The following AOPEP variants were observed in gnomAD, a reference collection of about 807,000 sequenced individuals.
AOPEP encodes aminopeptidase O (putative).
A neutral mutation model predicts 98.1 loss-of-function variants in AOPEP; 77 were observed. That is an observed-to-expected ratio of 0.78 (90% CI 0.65 to 0.95). AOPEP has a LOEUF of 0.95. Among genes scored for constraint, AOPEP ranks in the 40% least tolerant of loss-of-function variants. The pLI is 0.00. For missense variants in AOPEP, 1,024 were observed against 1,024.7 expected (o/e 1.00, Z 0.01); for synonymous variants, 346 against 365.3 (o/e 0.95, Z 0.60).
At chr9:95,063,073 A>G (rs571087312) in intron 14 of AOPEP, among the ~76,000 whole-genome samples, 2 of 152,314 alleles carry the variant, frequency 1.3e-5, no homozygotes, top group African/African-American at 4.8e-5. Flanking sequence ...TGTATGTAGC[A>G]GGCCTCAGGA....
In AOPEP at chr9:95,072,522, A is replaced by G. The variant is rs151259038; in HGVS notation, c.2233-8172A>G. The stretch of plus-strand genomic sequence containing the variant: ...GTGGCATGCACCTGTAGTCCCAGCT[A>G]CTGGGGAGGCTGAGGTGGGAGGATC... On this transcript the variant is annotated intron_variant, in intron 14 of 16. Transcript: ENST00000375315. Among the ~76,000 whole-genome samples the G allele has an allele frequency of 5.5e-3, 835 of 152,204 alleles. 8 individuals are homozygous for G. The highest frequency in any genetic ancestry group is 0.019 in the African/African-American group (793 of 41,528).
intron 5 of AOPEP, among the ~76,000 whole-genome samples, chr9:94,839,036 G>A (rs1466517089): frequency 1.4e-5 from 2 of 142,304 alleles, no homozygotes; most frequent in South Asian, 2.3e-4. Flanking sequence ...TCAGCCTCCC[G>A]AGTAGGTGGG....
At chr9:94,969,210 C>T (rs1407509969) in intron 10 of AOPEP, among the ~76,000 whole-genome samples, 2 of 151,940 alleles carry the variant, frequency 1.3e-5, no homozygotes, top group Admixed American at 1.3e-4. Flanking sequence ...TTTTTCAGTA[C>T]ACTGCTCAGC....
At position 95,001,944 on chromosome 9, in the gene AOPEP, A is replaced by ATT. The variant is rs111860886; in HGVS notation, c.1978-3201_1978-3200dup. ...AGGCTAACACCACCATGCCTGGCTG[A>ATT]TTTTTTTTTTTTTTGTAGAGACAGG... On this transcript the variant is annotated intron_variant, in intron 11 of 16. Coordinates refer to ENST00000375315, the MANE Select transcript of AOPEP (RefSeq NM_001193329.3). Among the ~76,000 whole-genome samples the ATT allele has an allele frequency of 8.0e-4, 113 of 141,618 alleles. 1 individual carries two copies. The South Asian group carries it at 9.6e-3, about 12-fold the overall frequency. The allele number at this position is 141,618 out of a possible 152,430, so 92.9% of individuals were successfully genotyped here. A position where few individuals can be genotyped will look rare whatever the true frequency, so the allele number is the denominator to read the frequency against.
chr9:95,147,376 C>T, the AOPEP span, among the ~76,000 whole-genome samples: 1 of 152,096 alleles, frequency 6.6e-6, no homozygotes, highest in African/African-American at 2.4e-5. Flanking sequence ...ATTAGCTGGG[C>T]GTGATGGTGC....
chr9:94,928,403 C>T, intron 6 of AOPEP, 22 bp from the exon 7 acceptor site: 1 of 1,512,828 alleles, frequency 6.6e-7, no homozygotes, highest in East Asian at 2.5e-5. Context: ...GCATGTGTGT[C>T]TGTGTGTCTG....
intron 1 of AOPEP, among the ~76,000 whole-genome samples, chr9:94,755,190 T>G (rs765357719): frequency 6.6e-6 from 1 of 152,202 alleles, no homozygotes; most frequent in Admixed American, 6.5e-5. Flanking sequence ...TTATGGCTTA[T>G]GACAGAGAAT....
At chr9:94,905,048 A>C (rs2136306752) in intron 5 of AOPEP, among the ~76,000 whole-genome samples, 1 of 152,340 alleles carries the variant, frequency 6.6e-6, no homozygotes, top group Middle Eastern at 3.4e-3. Flanking sequence ...TGACAGCATG[A>C]ATGGTTTGTC....
intron 11 of AOPEP, among the ~76,000 whole-genome samples, chr9:94,997,796 C>T (rs572917212): frequency 6.6e-6 from 1 of 152,142 alleles, no homozygotes; most frequent in African/African-American, 2.4e-5. Context: ...AGGGCTCAAG[C>T]GATACTTCTG....
intron 3 of AOPEP, among the ~76,000 whole-genome samples, chr9:94,777,741 C>T (rs529972258): frequency 2.6e-3 from 374 of 141,580 alleles, no homozygotes; most frequent in Non-Finnish European, 4.0e-3. Flanking sequence ...TCAAGCGATT[C>T]TCTCACCGAG....
intron 7 of AOPEP, among the ~76,000 whole-genome samples, chr9:94,954,143 C>T (rs1187472396): frequency 1.3e-5 from 2 of 151,900 alleles, no homozygotes; most frequent in Admixed American, 6.6e-5. Flanking sequence ...GCCAACATGG[C>T]GAAACCCCAT....
In AOPEP at chr9:95,011,624, C is replaced by T. The variant is rs376497148; in HGVS notation, c.2115+6008C>T. Among the ~76,000 whole-genome samples the T allele has an allele frequency of 2.0e-4, 31 of 152,108 alleles. No homozygotes were observed. The East Asian group carries it at 5.4e-3, about 27-fold the overall frequency. On this transcript the variant is annotated intron_variant, in intron 13 of 16. Transcript: ENST00000375315. ...CAGGAGTTCGAGACAGCTTGGGCAA[C>T]ATAGAGAGACCCCATCACTACAAAA...
In AOPEP at chr9:94,972,248, G is replaced by A. The variant is rs1442997066; in HGVS notation, c.1916+4447G>A. On this transcript the variant is annotated intron_variant, in intron 10 of 16. Transcript: ENST00000375315. This position sits in a 1 kb window ranked among gnomAD's most constrained non-coding sequence, Gnocchi z 4.2. ...TTTCTTAGCCACTAAGTCACACTCTGAAGTAGCAGTGGAAATGCAGGAGGG... is the reference window on the plus strand; with the variant it reads ...TTTCTTAGCCACTAAGTCACACTCTAAAGTAGCAGTGGAAATGCAGGAGGG... 6.6e-6 allele frequency among the ~76,000 whole-genome samples: 1 copy of A among 152,182 alleles called. No individual in the cohort carries two copies. Among genetic ancestry groups the A allele is most frequent in the Non-Finnish European group, 1.5e-5 (1 of 68,032 alleles).
intron 1 of AOPEP, among the ~76,000 whole-genome samples, chr9:94,733,037 AAG>A (rs1227460640): frequency 6.6e-6 from 1 of 152,018 alleles, no homozygotes; most frequent in Non-Finnish European, 1.5e-5. Flanking sequence ...CTTTTCTAAT[AAG>A]AGAGTATTTC....
chr9:94,815,543 A>G (rs1170371254), intron 5 of AOPEP, among the ~76,000 whole-genome samples: 1 of 151,944 alleles, frequency 6.6e-6, no homozygotes, highest in Non-Finnish European at 1.5e-5. Context: ...AGTTATGGCC[A>G]TTATGGACTG....
chr9:94,730,396 G>GA (rs1374199897), intron 1 of AOPEP, among the ~76,000 whole-genome samples: 2 of 151,200 alleles, frequency 1.3e-5, no homozygotes, highest in Non-Finnish European at 2.9e-5. Flanking sequence ...TGAGAGTGAA[G>GA]AAAAAACGAC....
At chr9:94,868,368 T>C (rs2045942387) in intron 5 of AOPEP, among the ~76,000 whole-genome samples, 1 of 152,204 alleles carries the variant, frequency 6.6e-6, no homozygotes, top group Admixed American at 6.5e-5. Flanking sequence ...CTTGCTGACT[T>C]GAGAACATCT....
At chr9:94,812,068 A>C (rs1171410749) in intron 5 of AOPEP, among the ~76,000 whole-genome samples, 1 of 152,026 alleles carries the variant, frequency 6.6e-6, no homozygotes, top group Non-Finnish European at 1.5e-5. Context: ...AAGGAAGGAG[A>C]CCTGTACTAA....
intron 5 of AOPEP, among the ~76,000 whole-genome samples, chr9:94,877,450 T>C (rs113304291): frequency 0.021 from 3,173 of 151,062 alleles, 83 homozygotes; most frequent in African/African-American, 0.056. Flanking sequence ...TTTGAGACAG[T>C]TTTGCTGTGT....
Sources: allele counts gnomAD v4.1 joint callset (sites outside exome capture counted in the v4.1 genomes callset), GRCh38; gene constraint gnomAD v4.1.1; non-coding constraint Gnocchi (gnomAD v3.1); transcripts MANE v1.5; gene names NCBI Gene and HGNC (gene_info 2026-07-23, HGNC 2026-07-21).